The following TJP1 variants were observed in gnomAD, a reference collection of about 807,000 sequenced individuals.
TJP1 encodes the protein tight junction protein 1.
TJP1 carries 43 observed loss-of-function variants against 194.2 expected under a neutral mutation model. The ratio of observed to expected loss-of-function variants is 0.22; its 90% CI spans 0.17 to 0.29. The LOEUF is 0.29. Ranked by LOEUF, TJP1 falls within the 10% of genes least tolerant of loss-of-function variation. TJP1 has a pLI of 1.00. For synonymous variants in TJP1, 801 were observed against 779.0 expected, an observed-to-expected ratio of 1.03 and a Z score of -0.47; for missense variants, 1,971 against 2,185.7, an observed-to-expected ratio of 0.90 and a Z score of 1.96.
intron 2 of TJP1, among the ~76,000 whole-genome samples, chr15:29,912,925 C>T (rs890794235): frequency 2.6e-5 from 4 of 152,192 alleles, no homozygotes; most frequent in Non-Finnish European, 4.4e-5. Context: ...TTAGTAGATG[C>T]GCCAGCTCAG....
chr15:29,741,355 G>A lies in TJP1; in HGVS notation c.1232C>T (p.Ser411Leu), dbSNP rs947149763. 1.9e-6 allele frequency: 3 copies of A among 1,592,774 alleles called. No individual in the cohort carries two copies. The African/African-American group carries it at 4.1e-5, about 22-fold the overall frequency. ...CCGAAGAATCCCATCTTCATGAGTTGAATTAGGTAGGACACCATCAGATGG... is the reference window on the plus strand; with the variant it reads ...CCGAAGAATCCCATCTTCATGAGTTAAATTAGGTAGGACACCATCAGATGG... ...VSPSDGVLPN[S>L]THEDGILRPS... is the part of the protein sequence containing the mutation. The change falls in exon 10 of 28, where the codon TCA becomes TTA. Residue 411 changes from serine (S) to leucine (L), a missense_variant. Ser to Leu is a moderately radical substitution (Grantham distance 145, BLOSUM62 -2). Transcript: ENST00000614355.
chr15:29,945,269 G>A (rs756904722), intron 2 of TJP1, among the ~76,000 whole-genome samples: 83 of 152,272 alleles, frequency 5.5e-4, no homozygotes, highest in Middle Eastern at 3.4e-3. Context: ...ACAAGTATGT[G>A]CCTAAGTAGG....
intron 2 of TJP1, among the ~76,000 whole-genome samples, chr15:29,900,559 G>C (rs992012068): frequency 3.9e-5 from 6 of 152,242 alleles, no homozygotes; most frequent in Middle Eastern, 6.8e-3. Context: ...GTTTGCTGAG[G>C]GACTGGATAC....
At chr15:29,895,621 C>T (rs1469161001) in intron 2 of TJP1, among the ~76,000 whole-genome samples, 1 of 152,168 alleles carries the variant, frequency 6.6e-6, no homozygotes, top group African/African-American at 2.4e-5. Flanking sequence ...TCCTTCCCTC[C>T]TTCTAAGCTC....
intron 2 of TJP1, among the ~76,000 whole-genome samples, chr15:29,871,562 C>G (rs954792578): frequency 1.3e-5 from 2 of 152,262 alleles, no homozygotes; most frequent in African/African-American, 4.8e-5. Flanking sequence ...GCGCAACCGC[C>G]TGGAGAGGCC....
intron 2 of TJP1, among the ~76,000 whole-genome samples, chr15:29,778,715 C>T (rs1438433408): frequency 6.6e-6 from 1 of 152,190 alleles, no homozygotes; most frequent in African/African-American, 2.4e-5. Context: ...CAATATCAAA[C>T]TATGGCTTAA....
chr15:29,791,934 T>G (rs1294525496), intron 2 of TJP1, among the ~76,000 whole-genome samples: 1 of 152,176 alleles, frequency 6.6e-6, no homozygotes, highest in Non-Finnish European at 1.5e-5. Flanking sequence ...GAAACATCTA[T>G]TCAGCTCTTG....
At chr15:29,820,450 T>C (rs1347203189) in intron 1 of TJP1, 4 of 705,890 alleles carry the variant, frequency 5.7e-6, no homozygotes, top group Non-Finnish European at 7.9e-6. Flanking sequence ...CCCTACAACG[T>C]AATATTTAAC....
At chr15:29,709,146 C>T (rs964492957) in intron 24 of TJP1, 110 bp from the exon 25 acceptor site, 1 of 1,005,726 alleles carries the variant, frequency 9.9e-7, no homozygotes, top group South Asian at 1.6e-5. Context: ...GTGGGTCGCA[C>T]AGCCAGAGCC....
chr15:29,735,970 T>C (rs1595693585), intron 11 of TJP1, among the ~76,000 whole-genome samples: 1 of 152,094 alleles, frequency 6.6e-6, no homozygotes, highest in Admixed American at 6.5e-5. Context: ...AGAGGCAGTG[T>C]AGCAAGAGAA....
chr15:29,738,118 C>T (rs1474168067), intron 10 of TJP1, among the ~76,000 whole-genome samples: 1 of 151,966 alleles, frequency 6.6e-6, no homozygotes, highest in Non-Finnish European at 1.5e-5. Context: ...AGTGTTGAAA[C>T]CTTGTGACAT....
intron 2 of TJP1, among the ~76,000 whole-genome samples, chr15:29,789,141 TAAG>T (rs1176835266): frequency 6.6e-6 from 1 of 152,182 alleles, no homozygotes; most frequent in Non-Finnish European, 1.5e-5. Context: ...CAGTTTTTAA[TAAG>T]AAGACTAAAA....
At chr15:29,737,550 T>C (rs2151302137) in intron 10 of TJP1, 136 bp from the exon 11 acceptor site, 1 of 885,516 alleles carries the variant, frequency 1.1e-6, no homozygotes, top group South Asian at 2.5e-5. Context: ...ACTATTTTAC[T>C]AAATAAAATT....
intron 2 of TJP1, among the ~76,000 whole-genome samples, chr15:29,950,539 A>G (rs1367208088): frequency 6.6e-6 from 1 of 152,142 alleles, no homozygotes; most frequent in African/African-American, 2.4e-5. Flanking sequence ...GTGTGCCCAG[A>G]GCAGAGGAGC....
chr15:29,760,060 C>T, intron 8 of TJP1: 1 of 534,148 alleles, frequency 1.9e-6, no homozygotes, highest in Non-Finnish European at 3.3e-6. Context: ...TCCAGAATGG[C>T]CGTATCAATT....
rs563209719 is a variant in TJP1 at position 29,906,222 on chromosome 15, C to T, written c.306+50010G>A. 4.6e-5 allele frequency among the ~76,000 whole-genome samples: 7 copies of T among 152,126 alleles called. No homozygotes were observed. The East Asian group carries it at 1.4e-3, about 30-fold the overall frequency. On this transcript the variant is annotated intron_variant, in intron 2 of 28. Transcript: ENST00000356107. ...GCGCGGTGGCTCACGCCTATAATCC[C>T]AGCACTTTGGGAGGCCGAGGTGGGT...
intron 2 of TJP1, among the ~76,000 whole-genome samples, chr15:29,943,048 G>C (rs576646011): frequency 1.2e-4 from 19 of 152,304 alleles, no homozygotes; most frequent in Non-Finnish European, 2.4e-4. Context: ...CCTGGAGACA[G>C]ATGAAAGAAT....
intron 8 of TJP1, among the ~76,000 whole-genome samples, chr15:29,758,441 A>T (rs759410547): frequency 6.6e-6 from 1 of 152,002 alleles, no homozygotes; most frequent in Non-Finnish European, 1.5e-5. Flanking sequence ...GGGGGGAAAA[A>T]CCCTCCACTT....
chr15:29,750,154 G>A (rs780928924), intron 8 of TJP1, among the ~76,000 whole-genome samples: 3 of 152,134 alleles, frequency 2.0e-5, no homozygotes, highest in Middle Eastern at 3.4e-3. Context: ...CTACAGGCAC[G>A]TGCCACCACG....
Sources: gnomAD v4.1 joint callset for allele counts (sites outside exome capture counted in the v4.1 genomes callset) on GRCh38, gnomAD v4.1.1 for gene constraint, MANE v1.5 for transcripts, NCBI Gene and HGNC (gene_info 2026-07-23, HGNC 2026-07-21) for gene names.